PLEKHB2: variants seen among roughly 807,000 people sequenced by gnomAD.
The protein encoded by PLEKHB2 is pleckstrin homology domain containing B2.
In PLEKHB2, 31 loss-of-function variants were observed where a neutral mutation model predicts 36.5. The ratio of observed to expected loss-of-function variants is 0.85; its 90% CI spans 0.64 to 1.15. The LOEUF (loss-of-function observed/expected upper bound fraction) is 1.15, where lower values mean the gene tolerates loss of function less well. PLEKHB2 is among the 50% of genes most tolerant of loss of function. The probability of loss-of-function intolerance (pLI) is 0.00; values close to 1 mark genes in which losing one functional copy is unlikely to be tolerated. For missense variants in PLEKHB2, 262 were observed against 295.3 expected, an observed-to-expected ratio of 0.89 and a Z score of 0.83; for synonymous variants, 119 against 112.0, an observed-to-expected ratio of 1.06 and a Z score of -0.39.
At chr2:131,116,505 T>C (rs546066857) in intron 1 of PLEKHB2, among the ~76,000 whole-genome samples, 2 of 152,268 alleles carry the variant, frequency 1.3e-5, no homozygotes, top group Non-Finnish European at 2.9e-5. Context: ...CTCAGAAAGC[T>C]TACAATCATG....
chr2:131,140,327 C>A, intron 7 of PLEKHB2, 52 bp downstream of exon 7: 1 of 920,584 alleles, frequency 1.1e-6, no homozygotes, highest in Non-Finnish European at 1.8e-6. Context: ...GCTGAGTAGA[C>A]CAGAGAGACC....
At chr2:131,145,158 C>T (rs1336823619) in intron 7 of PLEKHB2, among the ~76,000 whole-genome samples, 2 of 152,176 alleles carry the variant, frequency 1.3e-5, no homozygotes, top group Non-Finnish European at 2.9e-5. Flanking sequence ...CTGTCCTTAA[C>T]TGCTGTGTGC....
At chr2:131,107,282 T>C (rs1478437294) in intron 1 of PLEKHB2, among the ~76,000 whole-genome samples, 1 of 152,250 alleles carries the variant, frequency 6.6e-6, no homozygotes, top group Non-Finnish European at 1.5e-5. Context: ...CAGTGGATCA[T>C]GGAAACGGAA....
rs978296292 is a variant in PLEKHB2, at chr2:131,149,736, C to T, written c.*2963C>T. 1 of 152,198 alleles carries T rather than the reference C, an allele frequency of 6.6e-6. No homozygotes were observed. Among genetic ancestry groups the T allele is most frequent in the Non-Finnish European group, 1.5e-5 (1 of 68,036 alleles). 9.4% of individuals were successfully genotyped at this position (152,198 alleles called of 1,614,324 possible). A position where few individuals can be genotyped will look rare whatever the true frequency, so the allele number is the denominator to read the frequency against. Reference sequence around the variant, plus strand: ...GTTGATCTTTTTGTGATTGCTTTCCCGTCTCTAGTAGTATTCTGTTGTGTC... The same window carrying T: ...GTTGATCTTTTTGTGATTGCTTTCCTGTCTCTAGTAGTATTCTGTTGTGTC... On this transcript the variant is annotated 3_prime_UTR_variant, in exon 8 of 8. Coordinates refer to ENST00000693505, the MANE Select transcript of PLEKHB2 (RefSeq NM_001100623.2).
intron 1 of PLEKHB2, chr2:131,120,688 A>T (rs1287722287): frequency 1.7e-6 from 1 of 576,500 alleles, no homozygotes; most frequent in Non-Finnish European, 3.1e-6. Flanking sequence ...GAGTGGTGTT[A>T]GACTCGGTCA....
chr2:131,120,597 A>T, intron 1 of PLEKHB2: 1 of 373,230 alleles, frequency 2.7e-6, no homozygotes, highest in East Asian at 5.8e-5. Context: ...TAGGCACCTC[A>T]GGGCTCCAGC....
chr2:131,144,570 G>C lies in PLEKHB2; in HGVS notation c.533-2067G>C, dbSNP rs2104986999. ...TGTAAAAGTAACCTTCCTTTATTTAGTTTTTCCTGTAGTATCTTAGTTGCC... is the reference window on the plus strand; with the variant it reads ...TGTAAAAGTAACCTTCCTTTATTTACTTTTTCCTGTAGTATCTTAGTTGCC... On this transcript the variant is annotated intron_variant, in intron 7 of 7. Coordinates refer to ENST00000693505, the MANE Select transcript of PLEKHB2 (RefSeq NM_001100623.2). 5 of 399,848 alleles carry C rather than the reference G, an allele frequency of 1.3e-5. No homozygotes were observed. In the East Asian group the frequency reaches 1.9e-4, roughly 15 times the overall value. 24.8% of individuals were successfully genotyped at this position (399,848 alleles called of 1,614,324 possible). A position where few individuals can be genotyped will look rare whatever the true frequency, so the allele number is the denominator to read the frequency against.
At chr2:131,111,220 G>A (rs549462860) in intron 1 of PLEKHB2, among the ~76,000 whole-genome samples, 17 of 151,894 alleles carry the variant, frequency 1.1e-4, no homozygotes, top group Non-Finnish European at 2.2e-4. Context: ...GGCCAGGCTC[G>A]TCTTGAACTC....
chr2:131,105,915 C>T (rs542458240), intron 1 of PLEKHB2, among the ~76,000 whole-genome samples: 17 of 152,318 alleles, frequency 1.1e-4, no homozygotes, highest in African/African-American at 3.8e-4. Context: ...AACTTGCCTT[C>T]TCAGTTCTCC....
At chr2:131,144,598 A>G (rs1037755325) in intron 7 of PLEKHB2, 2 of 375,900 alleles carry the variant, frequency 5.3e-6, no homozygotes, top group Non-Finnish European at 9.4e-6. Context: ...TAGTTGCCAT[A>G]GAAACTGTGT....
intron 7 of PLEKHB2, among the ~76,000 whole-genome samples, chr2:131,145,308 T>C (rs529560095): frequency 1.3e-5 from 2 of 152,290 alleles, no homozygotes; most frequent in East Asian, 3.9e-4. Context: ...TTCATCCACA[T>C]GTGCACATCA....
intron 2 of PLEKHB2, among the ~76,000 whole-genome samples, chr2:131,122,462 A>G (rs1056474307): frequency 2.0e-5 from 3 of 152,218 alleles, no homozygotes; most frequent in African/African-American, 7.2e-5. Context: ...CATACCTGAG[A>G]TGGTTTATCA....
intron 7 of PLEKHB2, among the ~76,000 whole-genome samples, chr2:131,141,807 AT>A (rs1029150658): frequency 6.6e-6 from 1 of 152,156 alleles, no homozygotes; most frequent in African/African-American, 2.4e-5. Flanking sequence ...GATGAAACCA[AT>A]TTTATGGTAG....
intron 6 of PLEKHB2, among the ~76,000 whole-genome samples, chr2:131,135,469 G>C (rs112927785): frequency 0.022 from 3,281 of 152,282 alleles, 123 homozygotes; most frequent in African/African-American, 0.074. Context: ...ATAGGAATCT[G>C]TTTTCTTTGT....
chr2:131,126,869 C>T (rs891670979), intron 4 of PLEKHB2, 83 bp downstream of exon 4: 8 of 795,312 alleles, frequency 1.0e-5, no homozygotes, highest in South Asian at 1.5e-5. Context: ...AAAGAAAGGG[C>T]GTGGAGTTTT....
Position 131,126,806 on chromosome 2 carries a change from G to T in PLEKHB2, c.293+20G>T. 3.0e-6 allele frequency: 4 copies of T among 1,336,018 alleles called. No homozygotes were observed. Among genetic ancestry groups the T allele is most frequent in the Non-Finnish European group, 4.3e-6 (4 of 932,088 alleles). The allele number at this position is 1,336,018 out of a possible 1,614,324, so 82.8% of individuals were successfully genotyped here. On this transcript the variant is annotated intron_variant, in intron 4 of 7. Coordinates refer to ENST00000693505, the MANE Select transcript of PLEKHB2 (RefSeq NM_001100623.2). ...TTGCTTGTAAGTTTTGCTTTCTTAT[G>T]TGTTTAATTTAAAAAGTATTTTCTA...
At chr2:131,133,024 A>C in intron 6 of PLEKHB2, 33 bp downstream of exon 6, 1 of 1,453,356 alleles carries the variant, frequency 6.9e-7, no homozygotes, top group Non-Finnish European at 9.7e-7. Context: ...AGGTGAGGGA[A>C]GTTTGGGGTC....
chr2:131,142,088 C>G (rs1418121159), intron 7 of PLEKHB2, among the ~76,000 whole-genome samples: 2 of 152,174 alleles, frequency 1.3e-5, no homozygotes, highest in Admixed American at 6.5e-5. Flanking sequence ...CCCTCTCACT[C>G]TGGGACAGTT....
intron 7 of PLEKHB2, among the ~76,000 whole-genome samples, 167 bp downstream of exon 7, chr2:131,140,442 T>C (rs2104960816): frequency 6.6e-6 from 1 of 152,382 alleles, no homozygotes; most frequent in South Asian, 2.1e-4. Flanking sequence ...TTTGGTAGTT[T>C]CATACTGCTC....
Sources: gnomAD v4.1 joint callset for allele counts (sites outside exome capture counted in the v4.1 genomes callset) on GRCh38, gnomAD v4.1.1 for gene constraint, MANE v1.5 for transcripts, NCBI Gene and HGNC (gene_info 2026-07-23, HGNC 2026-07-21) for gene names.